The following KCNH1 variants were observed in gnomAD, a reference collection of about 807,000 sequenced individuals.
KCNH1 encodes the protein voltage-gated delayed rectifier potassium channel KCNH1.
A neutral mutation model predicts 69.2 loss-of-function variants in KCNH1; 27 were observed. That is an observed-to-expected ratio of 0.39 (90% CI 0.29 to 0.54). The LOEUF is 0.54. Among genes scored for constraint, KCNH1 ranks in the 20% least tolerant of loss-of-function variants. The pLI, the probability that KCNH1 is intolerant of heterozygous loss-of-function variation, is 0.68. For synonymous variants in KCNH1, 456 were observed against 487.7 expected, an observed-to-expected ratio of 0.93 and a Z score of 0.86; for missense variants, 798 against 1,261.6, an observed-to-expected ratio of 0.63 and a Z score of 5.57.
chr1:210,941,414 G>A (rs1687873255), intron 6 of KCNH1, among the ~76,000 whole-genome samples: 1 of 152,156 alleles, frequency 6.6e-6, no homozygotes, highest in African/African-American at 2.4e-5. Flanking sequence ...TTGGGGGCAA[G>A]GAGGCAAGGT....
chr1:210,820,864 A>G (rs1193675069), intron 7 of KCNH1, among the ~76,000 whole-genome samples: 1 of 152,128 alleles, frequency 6.6e-6, no homozygotes, highest in East Asian at 1.9e-4. Flanking sequence ...CTAGATGCTG[A>G]GAAAGACCAG....
At chr1:210,944,242 T>TA (rs560128911) in intron 6 of KCNH1, among the ~76,000 whole-genome samples, 229 of 152,228 alleles carry the variant, frequency 1.5e-3, no homozygotes, top group Non-Finnish European at 3.0e-3. Context: ...TAAAAATGAG[T>TA]ACTGGTGGCA....
At chr1:210,797,782 CAG>C (rs1291530935) in intron 8 of KCNH1, 22 bp from the exon 9 acceptor site, 4 of 1,602,550 alleles carry the variant, frequency 2.5e-6, no homozygotes, top group Non-Finnish European at 3.4e-6. Context: ...CAGAAAAAAA[CAG>C]TGTGAGGGTC....
At chr1:211,005,898 T>TA (rs1159881907) in intron 6 of KCNH1, among the ~76,000 whole-genome samples, 1 of 152,204 alleles carries the variant, frequency 6.6e-6, no homozygotes, top group Admixed American at 6.5e-5. Flanking sequence ...AATTTTTTAA[T>TA]AAAAAATGTA....
intron 6 of KCNH1, among the ~76,000 whole-genome samples, chr1:210,932,898 A>T (rs898080991): frequency 4.6e-5 from 7 of 152,210 alleles, no homozygotes; most frequent in African/African-American, 1.7e-4. Context: ...ATAGACCCCA[A>T]TAAAATACTA....
chr1:210,832,803 C>T (rs755653814), intron 7 of KCNH1, among the ~76,000 whole-genome samples: 3 of 151,570 alleles, frequency 2.0e-5, no homozygotes, highest in Non-Finnish European at 4.4e-5. Flanking sequence ...ATAGTCTATG[C>T]ACTGAAATGT....
intron 6 of KCNH1, among the ~76,000 whole-genome samples, chr1:210,956,840 T>C (rs573311463): frequency 6.6e-6 from 1 of 152,268 alleles, no homozygotes; most frequent in South Asian, 2.1e-4. Flanking sequence ...TCTATCAATT[T>C]TGTTGATCTT....
At chr1:211,003,561 A>G (rs1044912247) in intron 6 of KCNH1, among the ~76,000 whole-genome samples, 1 of 152,140 alleles carries the variant, frequency 6.6e-6, no homozygotes, top group Non-Finnish European at 1.5e-5. Context: ...TACCCAATGC[A>G]TTAATTATCT....
At chr1:211,081,831 G>A (rs949725873) in intron 5 of KCNH1, among the ~76,000 whole-genome samples, 4 of 152,214 alleles carry the variant, frequency 2.6e-5, no homozygotes, top group African/African-American at 7.2e-5. Flanking sequence ...GATGGGGGAC[G>A]GGGGAGGGAT....
intron 6 of KCNH1, among the ~76,000 whole-genome samples, chr1:210,946,186 T>C (rs1190495392): frequency 6.6e-6 from 1 of 152,204 alleles, no homozygotes; most frequent in Admixed American, 6.5e-5. Context: ...AAGGTGAGAC[T>C]TTATAGCTCC....
Position 210,999,243 on chromosome 1 carries a change from T to G in KCNH1, c.1032+19540A>C, listed in dbSNP as rs556083980. On this transcript the variant is annotated intron_variant, in intron 6 of 10. Coordinates refer to ENST00000271751, the MANE Select transcript of KCNH1 (RefSeq NM_172362.3). ...TCCAGGGGCTGGTTTTTTGAAAAGA[T>G]CAACAAAATTGATAGTCTGCTAGCA... 1.4e-4 allele frequency among the ~76,000 whole-genome samples: 21 copies of G among 152,128 alleles called. 1 individual carries two copies. The South Asian group carries it at 4.4e-3, about 32-fold the overall frequency.
At chr1:210,732,949 C>G (rs561360599) in intron 10 of KCNH1, among the ~76,000 whole-genome samples, 34 of 152,300 alleles carry the variant, frequency 2.2e-4, no homozygotes, top group African/African-American at 7.2e-4. Flanking sequence ...GCCCTTAACA[C>G]TTTCTGGATT....
rs183171380 is a variant in KCNH1 at position 210,933,079 on chromosome 1, C to T, written c.1033-13010G>A. 9.8e-5 allele frequency among the ~76,000 whole-genome samples: 15 copies of T among 152,318 alleles called. No homozygotes were observed. The East Asian group carries it at 2.7e-3, about 27-fold the overall frequency. ...ATATTTCTGTTATCAGCAAAAGGAT[C>T]ATTGTCCAGGATAGCAAAGACTTGG... On this transcript the variant is annotated intron_variant, in intron 6 of 10. Coordinates refer to ENST00000271751, the MANE Select transcript of KCNH1 (RefSeq NM_172362.3).
At chr1:210,753,103 G>C (rs781499003) in intron 10 of KCNH1, among the ~76,000 whole-genome samples, 4 of 152,124 alleles carry the variant, frequency 2.6e-5, no homozygotes, top group Non-Finnish European at 5.9e-5. Context: ...CTTGATTTCT[G>C]ACCTCTGACC....
At chr1:210,966,978 A>T (rs553549449) in intron 6 of KCNH1, among the ~76,000 whole-genome samples, 37 of 152,372 alleles carry the variant, frequency 2.4e-4, no homozygotes, top group African/African-American at 8.9e-4. Context: ...ATGCCCATCA[A>T]TGATAGACTG....
intron 7 of KCNH1, chr1:210,861,886 C>T (rs1685985926): frequency 3.9e-6 from 3 of 764,136 alleles, no homozygotes; most frequent in Admixed American, 3.5e-5. Context: ...AAGATAAAAG[C>T]CAGTTTTGTC....
At chr1:210,738,186 A>T (rs1682924749) in intron 10 of KCNH1, among the ~76,000 whole-genome samples, 2 of 142,842 alleles carry the variant, frequency 1.4e-5, no homozygotes, top group Admixed American at 1.4e-4. Context: ...CTCTGCCTGG[A>T]CCCTCTTCCT....
chr1:210,824,226 G>C (rs1478060609), intron 7 of KCNH1, among the ~76,000 whole-genome samples: 2 of 149,644 alleles, frequency 1.3e-5, no homozygotes, highest in African/African-American at 2.5e-5. Context: ...AAGAGATTGA[G>C]ACCCTCAGGT....
At chr1:210,754,097 T>G (rs1413274205) in intron 10 of KCNH1, among the ~76,000 whole-genome samples, 3 of 151,916 alleles carry the variant, frequency 2.0e-5, no homozygotes. Context: ...TTTTTTGTAT[T>G]TTTAGTAGAG....
Sources: gnomAD v4.1 joint callset for allele counts (sites outside exome capture counted in the v4.1 genomes callset) on GRCh38, gnomAD v4.1.1 for gene constraint, MANE v1.5 for transcripts, NCBI Gene and HGNC (gene_info 2026-07-23, HGNC 2026-07-21) for gene names.